The following SLC16A12 variants were observed in gnomAD, a reference collection of about 807,000 sequenced individuals.
SLC16A12 encodes the protein monocarboxylate transporter 12.
SLC16A12 carries 17 observed loss-of-function variants against 42.4 expected under a neutral mutation model. That is an observed-to-expected ratio of 0.40 (90% CI 0.27 to 0.60). The LOEUF (loss-of-function observed/expected upper bound fraction) is 0.60, where lower values mean the gene tolerates loss of function less well. SLC16A12 is among the 20% of genes least tolerant of loss of function. The pLI is 0.42. For synonymous variants in SLC16A12, 224 were observed against 229.4 expected (o/e 0.98, Z 0.21); for missense variants, 544 against 623.0 (o/e 0.87, Z 1.35).
intron 4 of SLC16A12, 31 bp from the exon 5 acceptor site, chr10:89,441,282 G>T (rs760604935): frequency 1.2e-6 from 2 of 1,613,410 alleles, no homozygotes; most frequent in Non-Finnish European, 1.7e-6. Context: ...AGGTTCAACA[G>T]AAAGGCCTTG....
At chr10:89,516,307 C>T (rs1208106620) in intron 2 of SLC16A12, among the ~76,000 whole-genome samples, 3 of 152,106 alleles carry the variant, frequency 2.0e-5, no homozygotes, top group Admixed American at 2.0e-4. Flanking sequence ...ATGGTCCAGC[C>T]CCTCCCGATG....
intron 2 of SLC16A12, among the ~76,000 whole-genome samples, chr10:89,518,507 G>A (rs574883164): frequency 6.6e-6 from 1 of 152,172 alleles, no homozygotes; most frequent in African/African-American, 2.4e-5. Flanking sequence ...GCAAGCCTAA[G>A]GTATGAGAGA....
At chr10:89,440,338 T>C (rs181020420) in intron 5 of SLC16A12, among the ~76,000 whole-genome samples, 13 of 152,296 alleles carry the variant, frequency 8.5e-5, no homozygotes, top group Admixed American at 8.5e-4. Context: ...TTGGTCACCA[T>C]AGCAGCAGTC....
chr10:89,476,328 T>C (rs1023735672), intron 2 of SLC16A12, among the ~76,000 whole-genome samples: 1 of 152,206 alleles, frequency 6.6e-6, no homozygotes, highest in African/African-American at 2.4e-5. Context: ...CTGTAATCGC[T>C]GCCATCCGCC....
chr10:89,439,255 T>G (rs1841862804), intron 5 of SLC16A12, 72 bp from the exon 6 acceptor site: 3 of 1,459,562 alleles, frequency 2.1e-6, no homozygotes, highest in East Asian at 4.6e-5. Flanking sequence ...ATACAATGAT[T>G]TATATTAAAG....
chr10:89,529,400 T>A (rs1360670090), intron 2 of SLC16A12, among the ~76,000 whole-genome samples: 1 of 152,138 alleles, frequency 6.6e-6, no homozygotes, highest in Non-Finnish European at 1.5e-5. Flanking sequence ...GGTGATAATT[T>A]TTAAGTATTG....
chr10:89,552,542 C>T lies in SLC16A12; in HGVS notation c.-47+3340G>A, dbSNP rs115268099. On this transcript the variant is annotated intron_variant, in intron 2 of 2. Transcript: ENST00000475682. ...GAGGTGGACGTGTGAGAGGGGGAAA[C>T]GTATGGTACTAGGAGGGGTGTGAGT... Among the ~76,000 whole-genome samples, 746 of 152,164 alleles carry T rather than the reference C, an allele frequency of 4.9e-3. 4 individuals are homozygous for T. The highest frequency in any genetic ancestry group is 0.017 in the African/African-American group (713 of 41,514).
At chr10:89,534,272 G>C (rs1360314587) in intron 2 of SLC16A12, among the ~76,000 whole-genome samples, 2 of 152,136 alleles carry the variant, frequency 1.3e-5, no homozygotes, top group African/African-American at 4.8e-5. Context: ...TTTATGGAGG[G>C]GGAGCGACAA....
rs373907737 is a variant in SLC16A12 at position 89,475,666 on chromosome 10, TG to T, written c.-46-13043del. On this transcript the variant is annotated intron_variant, in intron 2 of 7. Coordinates refer to ENST00000371790, the MANE Select transcript of SLC16A12 (RefSeq NM_213606.4). ...ATTACTGACTTCAACCAGAAATTTT[TG>T]GATGTTTGTCAGAGACCTTTGGGCA... Among the ~76,000 whole-genome samples, 1,027 of 152,342 alleles carry T rather than the reference TG, an allele frequency of 6.7e-3. 2 individuals are homozygous for T. Among genetic ancestry groups the T allele is most frequent in the Non-Finnish European group, 0.011 (742 of 68,026 alleles).
intron 2 of SLC16A12, among the ~76,000 whole-genome samples, chr10:89,512,358 G>A (rs923989164): frequency 2.7e-4 from 41 of 152,200 alleles, no homozygotes; most frequent in African/African-American, 9.9e-4. Context: ...GTTTCTTTTT[G>A]CACACTAATG....
intron 2 of SLC16A12, among the ~76,000 whole-genome samples, chr10:89,479,845 T>C (rs964584624): frequency 6.6e-6 from 1 of 152,220 alleles, no homozygotes; most frequent in African/African-American, 2.4e-5. Context: ...TATATCACGA[T>C]AGTGTTGGAG....
intron 3 of SLC16A12, among the ~76,000 whole-genome samples, chr10:89,457,723 G>T (rs1239684461): frequency 6.6e-6 from 1 of 152,116 alleles, no homozygotes. Context: ...GAATTAGCCA[G>T]AATTTTCTGA....
At chr10:89,481,175 A>G (rs1842655791) in intron 2 of SLC16A12, among the ~76,000 whole-genome samples, 1 of 152,198 alleles carries the variant, frequency 6.6e-6, no homozygotes, top group Admixed American at 6.5e-5. Flanking sequence ...ATACATATGC[A>G]TAAGGACAAA....
chr10:89,438,792 C>G lies in SLC16A12; in HGVS notation c.840G>C (p.Met280Ile), dbSNP rs1841849353. The change falls in exon 6 of 8, where the codon ATG becomes ATC. Residue 280 changes from methionine (M) to isoleucine (I), a missense_variant. Transcript: ENST00000371790. ...CLQQEYSFLL[M>I]SDFVVLAVSV... ...AGACGGCTAACACAACAAAGTCTGA[C>G]ATGAGTAAAAAACTGTACTCTTGCT... 10 of 1,614,060 alleles carry G rather than the reference C, an allele frequency of 6.2e-6. No individual in the cohort carries two copies. Among genetic ancestry groups the G allele is most frequent in the African/African-American group, 2.7e-5 (2 of 74,928 alleles).
chr10:89,450,528 G>A (rs1465129639), intron 3 of SLC16A12, among the ~76,000 whole-genome samples: 2 of 152,182 alleles, frequency 1.3e-5, no homozygotes, highest in African/African-American at 4.8e-5. Flanking sequence ...AACACTGCAT[G>A]TTCTCACTCA....
At chr10:89,453,349 C>A in intron 3 of SLC16A12, among the ~76,000 whole-genome samples, 1 of 152,184 alleles carries the variant, frequency 6.6e-6, no homozygotes, top group East Asian at 1.9e-4. Flanking sequence ...CTCCTAACCA[C>A]TAGGACTTCA....
intron 2 of SLC16A12, among the ~76,000 whole-genome samples, chr10:89,478,049 T>C (rs1842606786): frequency 6.6e-6 from 1 of 152,148 alleles, no homozygotes; most frequent in Non-Finnish European, 1.5e-5. Flanking sequence ...AACAACACTA[T>C]ATCATGATAG....
intron 2 of SLC16A12, among the ~76,000 whole-genome samples, chr10:89,507,495 A>C (rs1214611129): frequency 6.6e-6 from 1 of 152,234 alleles, no homozygotes; most frequent in Non-Finnish European, 1.5e-5. Context: ...GTGAAGAAGA[A>C]ATAAAATTCT....
chr10:89,462,474 A>T lies in SLC16A12; in HGVS notation c.105T>A (p.Asn35Lys), dbSNP rs1358724336. 6.2e-7 allele frequency: 1 copy of T among 1,614,002 alleles called. No homozygotes were observed. The highest frequency in any genetic ancestry group is 1.7e-5 in the Admixed American group (1 of 60,008). The change falls in exon 3 of 8, where the codon AAT becomes AAA. Residue 35 changes from asparagine (N) to lysine (K), a missense_variant. Transcript: ENST00000371790. ...EEKRKTMAKV[N>K]RARSTSPPDG... ...CTGGAGGGGAGGTAGACCGAGCTCT[A>T]TTTACTTTTGCCATGGTTTTTCTTT...
Sources: allele counts gnomAD v4.1 joint callset (sites outside exome capture counted in the v4.1 genomes callset), GRCh38; gene constraint gnomAD v4.1.1; transcripts MANE v1.5; gene names NCBI Gene and HGNC (gene_info 2026-07-23, HGNC 2026-07-21).